Variants in CXADR observed in about 807,000 individuals in gnomAD.
CXADR encodes the protein CXADR cell adhesion molecule.
A neutral mutation model predicts 40.3 loss-of-function variants in CXADR; 20 were observed. The observed-to-expected ratio is 0.50, with a 90% CI of 0.35 to 0.72. The LOEUF (loss-of-function observed/expected upper bound fraction) is 0.72, where lower values mean the gene tolerates loss of function less well. CXADR is among the 30% of genes least tolerant of loss of function. CXADR has a pLI of 0.01. For synonymous variants in CXADR, 150 were observed against 161.3 expected, an observed-to-expected ratio of 0.93 and a Z score of 0.53; for missense variants, 332 against 449.1, an observed-to-expected ratio of 0.74 and a Z score of 2.36.
chr21:17,605,286 T>C, the CXADR span, among the ~76,000 whole-genome samples: 1 of 151,988 alleles, frequency 6.6e-6, no homozygotes. Flanking sequence ...GAGCACGGAG[T>C]ATGAAAGTTG....
chr21:17,516,780 A>G (rs2060467026), intron 1 of CXADR, among the ~76,000 whole-genome samples: 2 of 150,644 alleles, frequency 1.3e-5, no homozygotes, highest in Non-Finnish European at 3.0e-5. Context: ...ATAACAATGT[A>G]TTATATTTTT....
chr21:17,529,903 C>T (rs2060648572), intron 1 of CXADR, among the ~76,000 whole-genome samples: 1 of 151,940 alleles, frequency 6.6e-6, no homozygotes, highest in Non-Finnish European at 1.5e-5. Context: ...GAAGCCCTGT[C>T]ATGCCCCTTC....
Position 17,586,571 on chromosome 21 carries a change from G to A in CXADR, c.1018-6581G>A, listed in dbSNP as rs1002143977. Among the ~76,000 whole-genome samples the A allele has an allele frequency of 1.1e-3, 167 of 151,596 alleles. 1 individual carries two copies. Among genetic ancestry groups the A allele is most frequent in the African/African-American group, 4.0e-3 (164 of 41,466 alleles). ...CTACCTTGGCCTCCCAAAGTGCTGA[G>A]ATTACAGGTGTGAGTCAGCCTCTTC... is the stretch of plus-strand genomic sequence containing the variant. On this transcript the variant is annotated intron_variant, in intron 7 of 7. Transcript: ENST00000400169.
intron 1 of CXADR, among the ~76,000 whole-genome samples, chr21:17,523,795 A>G (rs1246742563): frequency 6.6e-6 from 1 of 152,164 alleles, no homozygotes; most frequent in Non-Finnish European, 1.5e-5. Flanking sequence ...TTCTTAAGAA[A>G]ACAAACCTAG....
intron 3 of CXADR, among the ~76,000 whole-genome samples, chr21:17,555,117 G>A (rs938796884): frequency 3.9e-5 from 6 of 152,204 alleles, no homozygotes. Context: ...GAAGGTTACT[G>A]TTGTGGCCAT....
chr21:17,602,341 A>C, the CXADR span, among the ~76,000 whole-genome samples: 1 of 152,200 alleles, frequency 6.6e-6, no homozygotes, highest in Admixed American at 6.5e-5. Flanking sequence ...GACTATGAAG[A>C]ATGTTCTCAG....
chr21:17,548,081 T>C (rs2060921554), intron 2 of CXADR, among the ~76,000 whole-genome samples: 1 of 152,106 alleles, frequency 6.6e-6, no homozygotes, highest in East Asian at 1.9e-4. Flanking sequence ...TAATAAATTA[T>C]ATTAGATCAG....
chr21:17,548,751 GAAGAAGACTCC>G (rs534851759), intron 2 of CXADR, among the ~76,000 whole-genome samples: 32 of 152,376 alleles, frequency 2.1e-4, no homozygotes, highest in African/African-American at 7.7e-4. Flanking sequence ...CTGTTAATGA[GAAGAAGACTCC>G]AAGTCGTCCA....
the CXADR span, chr21:17,608,746 T>C: frequency 2.4e-6 from 1 of 419,556 alleles, no homozygotes; most frequent in African/African-American, 2.0e-5. Flanking sequence ...ACTAACTCCT[T>C]TGACCCCATA....
the CXADR span, among the ~76,000 whole-genome samples, chr21:17,628,468 A>G: frequency 5.9e-5 from 9 of 151,706 alleles, no homozygotes; most frequent in South Asian, 1.9e-3. Context: ...GACGTTTCAG[A>G]TGGAGTCTGA....
At chr21:17,518,687 G>A (rs2060491611) in intron 1 of CXADR, 1 of 1,609,622 alleles carries the variant, frequency 6.2e-7, no homozygotes, top group Non-Finnish European at 8.5e-7. Flanking sequence ...GCACCAAGCT[G>A]ACTTAATATT....
chr21:17,604,057 T>C, the CXADR span: 1 of 1,130,182 alleles, frequency 8.8e-7, no homozygotes, highest in Non-Finnish European at 1.1e-6. Context: ...TACCTAGCAC[T>C]GATCTTTCAC....
chr21:17,537,674 C>T (rs1461591823), intron 1 of CXADR, among the ~76,000 whole-genome samples: 2 of 151,900 alleles, frequency 1.3e-5, no homozygotes, highest in African/African-American at 2.4e-5. Flanking sequence ...TCAAAGTGTT[C>T]CTTTTGTTTT....
At chr21:17,564,601 T>C (rs2061177781) in intron 6 of CXADR, among the ~76,000 whole-genome samples, 1 of 152,116 alleles carries the variant, frequency 6.6e-6, no homozygotes, top group African/African-American at 2.4e-5. Flanking sequence ...TCTCTGTCAG[T>C]GTTTGGTATG....
intron 3 of CXADR, among the ~76,000 whole-genome samples, chr21:17,553,240 C>T (rs1360418928): frequency 1.3e-5 from 2 of 152,174 alleles, no homozygotes; most frequent in African/African-American, 4.8e-5. Context: ...ATGACTTGGG[C>T]ACCCAACACT....
chr21:17,628,658 G>A, the CXADR span, among the ~76,000 whole-genome samples: 11 of 152,080 alleles, frequency 7.2e-5, no homozygotes, highest in Admixed American at 2.0e-4. Context: ...ACGCCACCAC[G>A]CCCAGCTAAT....
intron 7 of CXADR, chr21:17,576,849 T>C (rs2061325540): frequency 6.6e-6 from 1 of 152,182 alleles, no homozygotes; most frequent in Non-Finnish European, 1.5e-5. Context: ...CAGTTACAGG[T>C]CAAGCTCTTT....
intron 1 of CXADR, among the ~76,000 whole-genome samples, chr21:17,539,440 C>A (rs1027288834): frequency 5.3e-5 from 8 of 152,176 alleles, no homozygotes; most frequent in African/African-American, 1.9e-4. Context: ...TTTCTTGTCT[C>A]ATATCCTCAT....
the CXADR span, among the ~76,000 whole-genome samples, chr21:17,602,220 C>T: frequency 6.6e-6 from 1 of 151,930 alleles, no homozygotes; most frequent in Non-Finnish European, 1.5e-5. Context: ...CTCAGAACTT[C>T]TCATCATAGG....
Sources: allele counts gnomAD v4.1 joint callset (sites outside exome capture counted in the v4.1 genomes callset), GRCh38; gene constraint gnomAD v4.1.1; transcripts MANE v1.5; gene names NCBI Gene and HGNC (gene_info 2026-07-23, HGNC 2026-07-21).